The following LUZP2 variants were observed in gnomAD, a reference collection of about 807,000 sequenced individuals.
LUZP2 encodes leucine zipper protein 2.
A neutral mutation model predicts 51.6 loss-of-function variants in LUZP2; 52 were observed. The ratio of observed to expected loss-of-function variants is 1.01; its 90% CI spans 0.81 to 1.27. The LOEUF is 1.27. Among genes scored for constraint, LUZP2 ranks in the 50% most tolerant of loss-of-function variants. The probability of loss-of-function intolerance (pLI) is 0.00; values close to 1 mark genes in which losing one functional copy is unlikely to be tolerated. For synonymous variants in LUZP2, 154 were observed against 137.3 expected (o/e 1.12, Z -0.85); for missense variants, 436 against 395.4 (o/e 1.10, Z -0.87).
rs1313286964 is a variant in LUZP2, at chr11:24,571,923, T to C, written c.62+74618T>C. ...AGATAATGTACTTCTACATCCTCTA[T>C]TTGTGTTACTCTTTCCATATTTCTC... is the stretch of plus-strand genomic sequence containing the variant. On this transcript the variant is annotated intron_variant, in intron 1 of 11. Coordinates refer to ENST00000336930, the MANE Select transcript of LUZP2 (RefSeq NM_001009909.4). 2.6e-5 allele frequency among the ~76,000 whole-genome samples: 4 copies of C among 152,168 alleles called. No individual in the cohort carries two copies. In the East Asian group the frequency reaches 7.7e-4, roughly 29 times the overall value.
rs1386314440 is a variant in LUZP2 at position 24,800,378 on chromosome 11, A to ACTTGATAGAGTCAACAAAACCAC, written c.396+37072_396+37073insTGATAGAGTCAACAAAACCACCT. 8.1e-4 allele frequency among the ~76,000 whole-genome samples: 123 copies of ACTTGATAGAGTCAACAAAACCAC among 152,128 alleles called. 1 individual carries two copies. Among genetic ancestry groups the ACTTGATAGAGTCAACAAAACCAC allele is most frequent in the African/African-American group, 2.8e-3 (118 of 41,516 alleles). On this transcript the variant is annotated intron_variant, in intron 5 of 11. Transcript: ENST00000336930. ...TGATGTAGCTTAGCATTCACTTGCA[A>ACTTGATAGAGTCAACAAAACCAC]CTGGGTATATGACATTGTCACTATC...
intron 5 of LUZP2, among the ~76,000 whole-genome samples, chr11:24,858,190 G>T (rs1379962156): frequency 6.6e-6 from 1 of 152,050 alleles, no homozygotes; most frequent in Non-Finnish European, 1.5e-5. Flanking sequence ...GGTAATTGTT[G>T]AGCATACTTT....
intron 1 of LUZP2, among the ~76,000 whole-genome samples, chr11:24,675,888 G>C (rs12364077): frequency 0.031 from 4,638 of 151,136 alleles, 223 homozygotes; most frequent in African/African-American, 0.11. Flanking sequence ...GTGCGATCTC[G>C]GCTCACTGCA....
intron 9 of LUZP2, among the ~76,000 whole-genome samples, chr11:24,989,341 G>T (rs935996153): frequency 6.6e-6 from 1 of 151,976 alleles, no homozygotes; most frequent in Non-Finnish European, 1.5e-5. Flanking sequence ...GCTCATTATG[G>T]TGGAACAAAT....
At chr11:24,778,396 C>T (rs1849001538) in intron 5 of LUZP2, among the ~76,000 whole-genome samples, 1 of 141,190 alleles carries the variant, frequency 7.1e-6, no homozygotes, top group African/African-American at 2.7e-5. Context: ...GCCTAGGCAA[C>T]AGAGCAAGAT....
Position 24,566,315 on chromosome 11 carries a change from A to AT in LUZP2, c.62+69012dup, listed in dbSNP as rs1554955933. Among the ~76,000 whole-genome samples, 8 of 41,436 alleles carry AT rather than the reference A, an allele frequency of 1.9e-4. No homozygotes were observed. In the South Asian group the frequency reaches 8.2e-3, roughly 42 times the overall value. The allele number at this position is 41,436 out of a possible 152,430, so 27.2% of individuals were successfully genotyped here. ...TATTTATTATTTATTTATTTATTGT[A>AT]TTATTTATTTATTTTTTTTTTTTTT... is the stretch of plus-strand genomic sequence containing the variant. On this transcript the variant is annotated intron_variant, in intron 1 of 11. Coordinates refer to ENST00000336930, the MANE Select transcript of LUZP2 (RefSeq NM_001009909.4).
intron 1 of LUZP2, among the ~76,000 whole-genome samples, chr11:24,667,184 CTT>C (rs199740839): frequency 9.1e-5 from 12 of 132,036 alleles, no homozygotes; most frequent in Admixed American, 2.4e-4. Flanking sequence ...TTCTTTTTTT[CTT>C]TTTTTTTTTT....
chr11:24,994,638 T>G (rs1464411229), intron 9 of LUZP2, among the ~76,000 whole-genome samples: 1 of 152,212 alleles, frequency 6.6e-6, no homozygotes, highest in Non-Finnish European at 1.5e-5. Context: ...AGTTTGAGAA[T>G]TACCTGCTCA....
At position 24,568,355 on chromosome 11, in the gene LUZP2, GA is replaced by G. The variant is rs35908367; in HGVS notation, c.62+71068del. On this transcript the variant is annotated intron_variant, in intron 1 of 11. Coordinates refer to ENST00000336930, the MANE Select transcript of LUZP2 (RefSeq NM_001009909.4). ...GCTGACAGAGTGAGAATCTGTCTCA[GA>G]AAAAAAAAAAAAAAAAAGGACTAGA... 7.9e-3 allele frequency among the ~76,000 whole-genome samples: 1,011 copies of G among 127,218 alleles called. 13 individuals carry two copies. Among genetic ancestry groups the G allele is most frequent in the African/African-American group, 0.028 (892 of 31,660 alleles). The allele number at this position is 127,218 out of a possible 152,430, so 83.5% of individuals were successfully genotyped here.
intron 9 of LUZP2, among the ~76,000 whole-genome samples, chr11:25,019,291 A>G (rs939240252): frequency 4.6e-5 from 7 of 152,188 alleles, no homozygotes; most frequent in Non-Finnish European, 8.8e-5. Flanking sequence ...TACATCATCT[A>G]ACATAGATTT....
chr11:24,679,205 A>G (rs1856658066), intron 1 of LUZP2, among the ~76,000 whole-genome samples: 1 of 152,064 alleles, frequency 6.6e-6, no homozygotes, highest in Admixed American at 6.5e-5. Context: ...TCATATCTCA[A>G]CTCTGATCTT....
At chr11:24,912,668 G>A (rs752862358) in intron 6 of LUZP2, among the ~76,000 whole-genome samples, 79 of 152,002 alleles carry the variant, frequency 5.2e-4, no homozygotes, top group Non-Finnish European at 8.7e-4. Flanking sequence ...AAATTAGTCT[G>A]GTATGCTGGT....
At position 24,857,038 on chromosome 11, in the gene LUZP2, T is replaced by C. The variant is rs377439248; in HGVS notation, c.397-48953T>C. Among the ~76,000 whole-genome samples, 3 of 151,976 alleles carry C rather than the reference T, an allele frequency of 2.0e-5. No individual in the cohort carries two copies. The South Asian group carries it at 6.2e-4, about 32-fold the overall frequency. ...ACACAAAAGCTAGACCTCACCACTATGCAATATATCCACATAACAAACTGC... is the reference window on the plus strand; with the variant it reads ...ACACAAAAGCTAGACCTCACCACTACGCAATATATCCACATAACAAACTGC... On this transcript the variant is annotated intron_variant, in intron 5 of 11. Transcript: ENST00000336930.
intron 10 of LUZP2, among the ~76,000 whole-genome samples, chr11:25,058,225 G>A (rs947188796): frequency 6.6e-6 from 1 of 151,880 alleles, no homozygotes; most frequent in Admixed American, 6.6e-5. Flanking sequence ...GATTCCAATG[G>A]TCTTTGGAAA....
At chr11:24,588,219 T>G in intron 1 of LUZP2, among the ~76,000 whole-genome samples, 1 of 152,106 alleles carries the variant, frequency 6.6e-6, no homozygotes, top group Admixed American at 6.6e-5. Context: ...CTTAGTTTTC[T>G]GAGTCATCCT....
chr11:24,774,381 TAC>T (rs547340390), intron 5 of LUZP2, among the ~76,000 whole-genome samples: 32,858 of 91,720 alleles, frequency 0.36, 7,026 homozygotes, highest in Non-Finnish European at 0.44. Context: ...TATATATATA[TAC>T]ATACACACAC....
At chr11:25,066,527 C>T (rs1859001270) in intron 10 of LUZP2, among the ~76,000 whole-genome samples, 1 of 151,900 alleles carries the variant, frequency 6.6e-6, no homozygotes, top group Non-Finnish European at 1.5e-5. Context: ...CTAAGGGGCT[C>T]TAAGTGTAGC....
At chr11:24,846,305 G>A (rs12285225) in intron 5 of LUZP2, among the ~76,000 whole-genome samples, 5,655 of 151,948 alleles carry the variant, frequency 0.037, 359 homozygotes, top group African/African-American at 0.13. Context: ...ATTGTCAGAA[G>A]CTAAACATAT....
At chr11:24,678,084 G>A (rs866277373) in intron 1 of LUZP2, among the ~76,000 whole-genome samples, 38 of 134,270 alleles carry the variant, frequency 2.8e-4, no homozygotes, top group African/African-American at 9.1e-4. Flanking sequence ...AAGGGGGGGG[G>A]GGGTGATTAC....
Sources: gnomAD v4.1 joint callset for allele counts (sites outside exome capture counted in the v4.1 genomes callset) on GRCh38, gnomAD v4.1.1 for gene constraint, MANE v1.5 for transcripts, NCBI Gene and HGNC (gene_info 2026-07-23, HGNC 2026-07-21) for gene names.